FAM135A: variants seen among roughly 807,000 people sequenced by gnomAD.
FAM135A encodes the protein protein FAM135A.
A neutral mutation model predicts 146.8 loss-of-function variants in FAM135A; 79 were observed. That is an observed-to-expected ratio of 0.54 (90% CI 0.45 to 0.65). The LOEUF is 0.65. FAM135A is among the 30% of genes least tolerant of loss of function. The pLI is 0.00. For missense variants in FAM135A, 1,623 were observed against 1,758.2 expected (o/e 0.92, Z 1.38); for synonymous variants, 562 against 603.6 (o/e 0.93, Z 1.01).
Position 70,432,909 on chromosome 6 carries a change from G to T in FAM135A, c.77+4490G>T, listed in dbSNP as rs143564746. Reference sequence around the variant, plus strand: ...GAAAAATAATTTTTCTTTTTAATTTGTCTGAATTGTAGGGACTTTTTTTAG... The same window carrying T: ...GAAAAATAATTTTTCTTTTTAATTTTTCTGAATTGTAGGGACTTTTTTTAG... On this transcript the variant is annotated intron_variant, in intron 4 of 21. Transcript: ENST00000418814. Among the ~76,000 whole-genome samples, 90 of 151,420 alleles carry T rather than the reference G, an allele frequency of 5.9e-4. 1 individual carries two copies. In the East Asian group the frequency reaches 0.017, roughly 28 times the overall value.
intron 5 of FAM135A, among the ~76,000 whole-genome samples, chr6:70,460,788 G>GATCT (rs150338603): frequency 4.4e-4 from 67 of 150,684 alleles, no homozygotes; most frequent in African/African-American, 1.2e-3. Flanking sequence ...TTTATCTATC[G>GATCT]ATCTATCTAT....
At chr6:70,450,102 GTTAT>G (rs965484986) in intron 4 of FAM135A, among the ~76,000 whole-genome samples, 4 of 151,958 alleles carry the variant, frequency 2.6e-5, no homozygotes, top group Admixed American at 2.0e-4. Flanking sequence ...TTTTAATTTG[GTTAT>G]TTGTTTTCTT....
intron 5 of FAM135A, among the ~76,000 whole-genome samples, chr6:70,459,257 A>G (rs996067527): frequency 3.3e-5 from 5 of 152,136 alleles, no homozygotes; most frequent in African/African-American, 4.8e-5. Flanking sequence ...TACCTTCTGT[A>G]TATTTTGAGA....
At chr6:70,429,249 A>G (rs1770914252) in intron 4 of FAM135A, among the ~76,000 whole-genome samples, 1 of 152,184 alleles carries the variant, frequency 6.6e-6, no homozygotes, top group South Asian at 2.1e-4. Context: ...GTGGTGGCTC[A>G]CACCTGTAAT....
In FAM135A at chr6:70,525,820, C is replaced by G. The variant is rs763081215; in HGVS notation, c.2736C>G (p.Ser912=). 3.1e-6 allele frequency: 5 copies of G among 1,612,678 alleles called. No individual in the cohort carries two copies. The highest frequency in any genetic ancestry group is 4.2e-6 in the Non-Finnish European group (5 of 1,179,448). Residue 912 remains serine, a synonymous_variant, in exon 15 of 22, where the codon TCC becomes TCG. Transcript: ENST00000418814. The part of the protein sequence containing the change: ...NLDNETVAIH[S]LNSSIKDPLQ... The stretch of plus-strand genomic sequence containing the variant: ...ACAATGAAACTGTAGCAATACATTC[C>G]TTAAATTCAAGCATTAAAGACCCTT...
chr6:70,471,529 TC>T (rs1439992096), intron 5 of FAM135A, among the ~76,000 whole-genome samples: 2 of 151,826 alleles, frequency 1.3e-5, no homozygotes, highest in African/African-American at 4.8e-5. Flanking sequence ...CATGAATACA[TC>T]CGGGGGAATG....
At position 70,415,394 on chromosome 6, in the gene FAM135A, T is replaced by G. The variant is rs1767336961; in HGVS notation, c.-134+18T>G. 1 of 152,116 alleles carries G rather than the reference T, an allele frequency of 6.6e-6. No homozygotes were observed. The highest frequency in any genetic ancestry group is 6.6e-5 in the Admixed American group (1 of 15,260). 9.4% of individuals were successfully genotyped at this position (152,116 alleles called of 1,614,324 possible). Reference sequence around the variant, plus strand: ...TGTGTCAGGTAGGAATTAAGTTTTCTGTTTCTGTTTTAAGAAGGGAAATAC... The same window carrying G: ...TGTGTCAGGTAGGAATTAAGTTTTCGGTTTCTGTTTTAAGAAGGGAAATAC... On this transcript the variant is annotated intron_variant, in intron 2 of 21. Coordinates refer to ENST00000418814, the MANE Select transcript of FAM135A (RefSeq NM_001162529.3).
chr6:70,480,652 T>A (rs1783520292), intron 8 of FAM135A, among the ~76,000 whole-genome samples: 1 of 152,184 alleles, frequency 6.6e-6, no homozygotes, highest in South Asian at 2.1e-4. Context: ...ATCTTTGATG[T>A]TCTTTGAGAC....
Position 70,549,530 on chromosome 6 carries a change from A to G in FAM135A, c.4229-7220A>G, listed in dbSNP as rs139053776. Among the ~76,000 whole-genome samples, 493 of 152,254 alleles carry G rather than the reference A, an allele frequency of 3.2e-3. 3 individuals are homozygous for G. Among genetic ancestry groups the G allele is most frequent in the African/African-American group, 0.011 (461 of 41,566 alleles). On this transcript the variant is annotated intron_variant, in intron 20 of 21. Transcript: ENST00000418814. ...ATCACCATAAAAAAAGGTGAGTCAC[A>G]TGAATTTTTTTGGTTTCCCAGGGCA... is the stretch of plus-strand genomic sequence containing the variant.
At chr6:70,431,221 A>G (rs1448985462) in intron 4 of FAM135A, among the ~76,000 whole-genome samples, 1 of 152,170 alleles carries the variant, frequency 6.6e-6, no homozygotes, top group Non-Finnish European at 1.5e-5. Context: ...CCACAAACAC[A>G]AAGACTCAAT....
intron 20 of FAM135A, among the ~76,000 whole-genome samples, chr6:70,540,364 G>A (rs1316795697): frequency 8.6e-6 from 1 of 115,842 alleles, no homozygotes; most frequent in Non-Finnish European, 1.6e-5. Flanking sequence ...TCGCTCTGCC[G>A]CCCAGGCTGG....
At chr6:70,556,628 G>A in intron 20 of FAM135A, 122 bp from the exon 21 acceptor site, 1 of 599,464 alleles carries the variant, frequency 1.7e-6, no homozygotes, top group Non-Finnish European at 2.8e-6. Context: ...ATCAAGTATT[G>A]ACAAAGTCAG....
At position 70,477,202 on chromosome 6, in the gene FAM135A, T is replaced by C. The variant is rs1040858818; in HGVS notation, c.412T>C (p.Leu138=). 1 of 1,613,628 alleles carries C rather than the reference T, an allele frequency of 6.2e-7. No homozygotes were observed. The highest frequency in any genetic ancestry group is 2.2e-5 in the East Asian group (1 of 44,828). Reference sequence around the variant, plus strand: ...CTTGCAACTAATAAGTAGCCGAACATTGAAGCTGCACTTTAGCCCCCATAG... The same window carrying C: ...CTTGCAACTAATAAGTAGCCGAACACTGAAGCTGCACTTTAGCCCCCATAG... ...NALQLISSRT[L]KLHFSPHRGL... The change falls in exon 8 of 22, where the codon TTG becomes CTG. Residue 138 remains leucine (L), a synonymous_variant. Transcript: ENST00000418814.
At chr6:70,453,037 C>T (rs149495687) in intron 5 of FAM135A, among the ~76,000 whole-genome samples, 2 of 152,124 alleles carry the variant, frequency 1.3e-5, no homozygotes, top group African/African-American at 4.8e-5. Context: ...AGACATGTTA[C>T]AGCAGCTTTG....
At chr6:70,538,204 A>T (rs1275589584) in intron 19 of FAM135A, 87 bp from the exon 20 acceptor site, 1 of 785,440 alleles carries the variant, frequency 1.3e-6, no homozygotes, top group Non-Finnish European at 1.8e-6. Flanking sequence ...TCATCTTTTG[A>T]AGTGAAATAT....
At chr6:70,494,663 A>G (rs1454056608) in intron 11 of FAM135A, among the ~76,000 whole-genome samples, 5 of 152,048 alleles carry the variant, frequency 3.3e-5, no homozygotes, top group African/African-American at 1.2e-4. Flanking sequence ...AAAACCAGAG[A>G]AATAGTTTAT....
At chr6:70,437,903 C>T (rs193266052) in intron 4 of FAM135A, among the ~76,000 whole-genome samples, 15 of 151,878 alleles carry the variant, frequency 9.9e-5, no homozygotes, top group South Asian at 2.1e-4. Context: ...AGAATGATGG[C>T]GGAGGAATTG....
intron 2 of FAM135A, among the ~76,000 whole-genome samples, chr6:70,425,602 A>C (rs1178885469): frequency 6.6e-6 from 1 of 152,204 alleles, no homozygotes; most frequent in Non-Finnish European, 1.5e-5. Context: ...TAATTATACC[A>C]AGGACAAAAG....
chr6:70,492,299 G>A (rs1381486634), intron 11 of FAM135A, among the ~76,000 whole-genome samples: 1 of 151,686 alleles, frequency 6.6e-6, no homozygotes. Flanking sequence ...TTGTGGTAAA[G>A]TTAACGTCAT....
Sources: allele counts gnomAD v4.1 joint callset (sites outside exome capture counted in the v4.1 genomes callset), GRCh38; gene constraint gnomAD v4.1.1; transcripts MANE v1.5; gene names NCBI Gene and HGNC (gene_info 2026-07-23, HGNC 2026-07-21).